Variants in MRAS observed in about 807,000 individuals in gnomAD.
The protein encoded by MRAS is ras-related protein M-Ras.
MRAS carries 4 observed loss-of-function variants against 20.9 expected under a neutral mutation model. That is an observed-to-expected ratio of 0.19 (90% CI 0.09 to 0.44). The LOEUF (loss-of-function observed/expected upper bound fraction) is 0.44, where lower values mean the gene tolerates loss of function less well. Ranked by LOEUF, MRAS falls within the 20% of genes least tolerant of loss-of-function variation. The probability of loss-of-function intolerance (pLI) is 0.99; values close to 1 mark genes in which losing one functional copy is unlikely to be tolerated. For missense variants in MRAS, 154 were observed against 277.5 expected (o/e 0.56, Z 3.16); for synonymous variants, 98 against 102.9 (o/e 0.95, Z 0.29).
At chr3:138,398,788 G>C (rs188120284) in intron 4 of MRAS, among the ~76,000 whole-genome samples, 97 of 152,338 alleles carry the variant, frequency 6.4e-4, no homozygotes, top group African/African-American at 2.3e-3. Flanking sequence ...AAAGAAAGTA[G>C]AAGGTGTCTG....
chr3:138,377,861 G>A (rs1054196957), intron 2 of MRAS, among the ~76,000 whole-genome samples: 1 of 152,258 alleles, frequency 6.6e-6, no homozygotes, highest in Non-Finnish European at 1.5e-5. Context: ...TGTGTGGAAG[G>A]CCCGTGCTAA....
chr3:138,392,451 C>G (rs2055152051), intron 2 of MRAS, among the ~76,000 whole-genome samples: 1 of 152,202 alleles, frequency 6.6e-6, no homozygotes, highest in Non-Finnish European at 1.5e-5. Context: ...GAGGCCTCTT[C>G]AAGTCTCTCA....
At chr3:138,386,338 A>G (rs561842007) in intron 2 of MRAS, among the ~76,000 whole-genome samples, 1 of 151,916 alleles carries the variant, frequency 6.6e-6, no homozygotes, top group Non-Finnish European at 1.5e-5. Context: ...TACTCCAGAC[A>G]TTTCATGGAA....
At chr3:138,353,915 T>A (rs755422548) in intron 1 of MRAS, among the ~76,000 whole-genome samples, 1 of 152,246 alleles carries the variant, frequency 6.6e-6, no homozygotes, top group Non-Finnish European at 1.5e-5. Context: ...ATGGTCTGTC[T>A]CTTCCTGAAG....
intron 1 of MRAS, among the ~76,000 whole-genome samples, chr3:138,363,819 A>AC (rs62977360): frequency 0.043 from 1,435 of 33,016 alleles, 135 homozygotes; most frequent in Non-Finnish European, 0.057. Flanking sequence ...TAGAGGATTT[A>AC]CCCCCCCCCC....
intron 1 of MRAS, chr3:138,349,958 A>G (rs2054193584): frequency 6.6e-6 from 1 of 152,204 alleles, no homozygotes; most frequent in Non-Finnish European, 1.5e-5. Context: ...AAGAGCCAAC[A>G]GCTTGCCCAA....
intron 2 of MRAS, 34 bp downstream of exon 2, chr3:138,373,110 G>T (rs2054709546): frequency 1.4e-6 from 2 of 1,401,170 alleles, no homozygotes; most frequent in Non-Finnish European, 1.9e-6. Context: ...CATTGGGTGG[G>T]ATAGTAGATG....
Position 138,378,574 on chromosome 3 carries a change from C to G in MRAS, c.193+5498C>G, listed in dbSNP as rs375861665. Among the ~76,000 whole-genome samples, 34 of 152,338 alleles carry G rather than the reference C, an allele frequency of 2.2e-4. No homozygotes were observed. In the East Asian group the frequency reaches 6.2e-3, roughly 28 times the overall value. On this transcript the variant is annotated intron_variant, in intron 2 of 5. Transcript: ENST00000423968. ...GCTGTCCCATCTCCATGCTCTCAGC[C>G]CTCTCCTCCTGTCTCTGACTTTGGA...
chr3:138,362,784 AG>A (rs534637840), intron 1 of MRAS, among the ~76,000 whole-genome samples: 2,228 of 152,212 alleles, frequency 0.015, 20 homozygotes, highest in Middle Eastern at 0.041. Context: ...ACTGTGTGGC[AG>A]GCACCGTGCG....
At chr3:138,392,983 G>T (rs1197132518) in intron 2 of MRAS, among the ~76,000 whole-genome samples, 2 of 152,060 alleles carry the variant, frequency 1.3e-5, no homozygotes, top group African/African-American at 4.8e-5. Context: ...TGTTGCTTAG[G>T]AAGTTTGAGG....
chr3:138,370,427 C>T (rs1270313269), intron 1 of MRAS, among the ~76,000 whole-genome samples: 1 of 152,230 alleles, frequency 6.6e-6, no homozygotes, highest in Non-Finnish European at 1.5e-5. Context: ...CCACGCTCTG[C>T]AGCTCTGAGA....
chr3:138,388,361 C>G (rs946039046), intron 2 of MRAS, among the ~76,000 whole-genome samples: 4 of 152,184 alleles, frequency 2.6e-5, no homozygotes, highest in Admixed American at 2.6e-4. Context: ...CATAATCATT[C>G]CTGCCTCCCA....
intron 2 of MRAS, among the ~76,000 whole-genome samples, chr3:138,380,766 T>C (rs2054884280): frequency 6.6e-6 from 1 of 151,702 alleles, no homozygotes; most frequent in Admixed American, 6.6e-5. Flanking sequence ...TGAATTTCTT[T>C]CCTTTTTTTT....
intron 1 of MRAS, among the ~76,000 whole-genome samples, chr3:138,353,737 G>A (rs910307638): frequency 2.6e-5 from 4 of 152,116 alleles, no homozygotes; most frequent in Admixed American, 2.6e-4. Context: ...AAAGACTTGT[G>A]GGCTGGACCC....
intron 1 of MRAS, among the ~76,000 whole-genome samples, chr3:138,357,217 G>A (rs991093960): frequency 3.3e-5 from 5 of 150,122 alleles, no homozygotes; most frequent in Admixed American, 1.3e-4. Context: ...GAGAAGGTGG[G>A]GCCGCCCTTG....
intron 2 of MRAS, among the ~76,000 whole-genome samples, chr3:138,384,793 C>T (rs2054976779): frequency 6.6e-6 from 1 of 152,188 alleles, no homozygotes; most frequent in Non-Finnish European, 1.5e-5. Flanking sequence ...CAGGGCAGGA[C>T]CAGTCACTGT....
chr3:138,363,976 C>T (rs976476311), intron 1 of MRAS, among the ~76,000 whole-genome samples: 1 of 152,162 alleles, frequency 6.6e-6, no homozygotes, highest in Non-Finnish European at 1.5e-5. Flanking sequence ...GAACAAGCAA[C>T]TCCTGAATAC....
At chr3:138,388,339 CT>C (rs1276299998) in intron 2 of MRAS, among the ~76,000 whole-genome samples, 1 of 152,178 alleles carries the variant, frequency 6.6e-6, no homozygotes, top group Non-Finnish European at 1.5e-5. Flanking sequence ...CCTTATTCTT[CT>C]GTAAAATGGG....
chr3:138,402,123 C>A, intron 5 of MRAS, 47 bp from the exon 6 acceptor site: 4 of 1,581,008 alleles, frequency 2.5e-6, no homozygotes, highest in Non-Finnish European at 3.5e-6. Context: ...AGAGGAGAAG[C>A]AAAGCCCATT....
Sources: gnomAD v4.1 joint callset for allele counts (sites outside exome capture counted in the v4.1 genomes callset) on GRCh38, gnomAD v4.1.1 for gene constraint, MANE v1.5 for transcripts, NCBI Gene and HGNC (gene_info 2026-07-23, HGNC 2026-07-21) for gene names.